Variants in FHOD3 observed in about 807,000 individuals in gnomAD.
FHOD3 encodes FH1/FH2 domain-containing protein 3.
FHOD3 carries 90 observed loss-of-function variants against 173.0 expected under a neutral mutation model. That is an observed-to-expected ratio of 0.52 (90% CI 0.44 to 0.62). The LOEUF (loss-of-function observed/expected upper bound fraction) is 0.62. Among genes scored for constraint, FHOD3 ranks in the 20% least tolerant of loss-of-function variants. The pLI is 0.00. For synonymous variants in FHOD3, 828 were observed against 823.0 expected (o/e 1.01, Z -0.10); for missense variants, 1,945 against 2,034.7 (o/e 0.96, Z 0.85).
chr18:36,301,842 G>A (rs1312703228), intron 1 of FHOD3, among the ~76,000 whole-genome samples: 1 of 152,216 alleles, frequency 6.6e-6, no homozygotes, highest in African/African-American at 2.4e-5. Flanking sequence ...CTTTTTTAGT[G>A]TACATGTTAA....
chr18:36,345,316 G>C (rs1393310774), intron 1 of FHOD3, among the ~76,000 whole-genome samples: 1 of 151,942 alleles, frequency 6.6e-6, no homozygotes, highest in African/African-American at 2.4e-5. Flanking sequence ...ATAATTTTTG[G>C]ATCAAAGAAG....
chr18:36,361,061 C>G lies in FHOD3; in HGVS notation c.272+5416C>G, dbSNP rs140916923. Among the ~76,000 whole-genome samples, 595 of 152,202 alleles carry G rather than the reference C, an allele frequency of 3.9e-3. 5 individuals are homozygous for G. The highest frequency in any genetic ancestry group is 7.2e-3 in the Non-Finnish European group (493 of 68,014). ...AGAAGGGAAGAAAGGTAGACGTTCC[C>G]TGATTTTTTTTTTCCTCTTAAGGTA... On this transcript the variant is annotated intron_variant, in intron 2 of 28. Transcript: ENST00000590592.
intron 7 of FHOD3, among the ~76,000 whole-genome samples, chr18:36,595,222 TG>T (rs569800831): frequency 3.3e-5 from 5 of 152,270 alleles, no homozygotes; most frequent in African/African-American, 1.2e-4. Context: ...AGGGTTTCCC[TG>T]GCTCCTTCCT....
At chr18:36,672,947 G>A (rs1477403917) in intron 14 of FHOD3, among the ~76,000 whole-genome samples, 1 of 151,984 alleles carries the variant, frequency 6.6e-6, no homozygotes, top group African/African-American at 2.4e-5. Context: ...TAGTGCAACT[G>A]AAAAATCTAG....
At chr18:36,420,209 C>T (rs747262133) in intron 3 of FHOD3, among the ~76,000 whole-genome samples, 42 of 152,162 alleles carry the variant, frequency 2.8e-4, no homozygotes, top group Non-Finnish European at 1.9e-4. Flanking sequence ...AGGCACATGT[C>T]ACTGTTGAAT....
intron 3 of FHOD3, among the ~76,000 whole-genome samples, chr18:36,424,736 T>C (rs1277321926): frequency 6.6e-6 from 1 of 152,248 alleles, no homozygotes; most frequent in Non-Finnish European, 1.5e-5. Flanking sequence ...TCCAAAAATA[T>C]TAAACGGACA....
chr18:36,656,535 C>T (rs372359537), intron 13 of FHOD3, among the ~76,000 whole-genome samples: 44 of 152,122 alleles, frequency 2.9e-4, no homozygotes, highest in Non-Finnish European at 4.3e-4. Context: ...AGGATAGATG[C>T]GGGTCGTATC....
chr18:36,463,436 A>AG (rs2052696897), intron 3 of FHOD3, among the ~76,000 whole-genome samples: 1 of 147,580 alleles, frequency 6.8e-6, no homozygotes, highest in South Asian at 2.1e-4. Flanking sequence ...TTTTATTTAA[A>AG]AAATATATTT....
rs1044844226 is a variant in FHOD3, at chr18:36,625,083, C to T, written c.958-428C>T. On this transcript the variant is annotated intron_variant, in intron 9 of 28. Transcript: ENST00000590592. ...CTTCTGAGCACCCTCTTTGGGAAAG[C>T]GAGCTCAAGACTGATAGGGAACCGG... 4.6e-5 allele frequency among the ~76,000 whole-genome samples: 7 copies of T among 152,094 alleles called. No homozygotes were observed. In the East Asian group the frequency reaches 7.7e-4, roughly 17 times the overall value.
In FHOD3 at chr18:36,297,827, G is replaced by T; in HGVS notation, c.-9G>T. The T allele has an allele frequency of 6.6e-7, 1 of 1,511,792 alleles. No individual in the cohort carries two copies. Among genetic ancestry groups the T allele is most frequent in the Non-Finnish European group, 8.9e-7 (1 of 1,129,270 alleles). The allele number at this position is 1,511,792 out of a possible 1,614,324, so 93.6% of individuals were successfully genotyped here. A position where few individuals can be genotyped will look rare whatever the true frequency, so the allele number is the denominator to read the frequency against. Reference sequence around the variant, plus strand: ...CCCGGGGCCCGCGCCCCCGCGGCAGGGATGCATCATGGCCACGCTGGCTTG... The same window carrying T: ...CCCGGGGCCCGCGCCCCCGCGGCAGTGATGCATCATGGCCACGCTGGCTTG... On this transcript the variant is annotated 5_prime_UTR_variant, in exon 1 of 29. Coordinates refer to ENST00000590592, the MANE Select transcript of FHOD3 (RefSeq NM_001281740.3).
intron 8 of FHOD3, among the ~76,000 whole-genome samples, chr18:36,608,108 G>C (rs1324998386): frequency 6.6e-6 from 1 of 152,042 alleles, no homozygotes; most frequent in East Asian, 1.9e-4. Flanking sequence ...CTGCTTTCAC[G>C]TTTTCAGTTA....
chr18:36,560,739 A>C (rs2058052705), intron 5 of FHOD3, among the ~76,000 whole-genome samples: 1 of 152,006 alleles, frequency 6.6e-6, no homozygotes, highest in Non-Finnish European at 1.5e-5. Flanking sequence ...GGGTTGAAAG[A>C]CTGGAGAGAG....
intron 10 of FHOD3, among the ~76,000 whole-genome samples, chr18:36,637,096 C>G (rs191295280): frequency 6.6e-6 from 1 of 152,076 alleles, no homozygotes; most frequent in African/African-American, 2.4e-5. Flanking sequence ...AGCAAGCCAC[C>G]AGATCTCTAG....
chr18:36,431,877 G>A (rs1043889207), intron 3 of FHOD3, among the ~76,000 whole-genome samples: 1 of 152,146 alleles, frequency 6.6e-6, no homozygotes, highest in African/African-American at 2.4e-5. Context: ...GTTGTTCCTT[G>A]AAAAATATAC....
intron 1 of FHOD3, among the ~76,000 whole-genome samples, chr18:36,326,825 A>G (rs2044692493): frequency 6.6e-6 from 1 of 152,178 alleles, no homozygotes; most frequent in Non-Finnish European, 1.5e-5. Flanking sequence ...ATACTGAATT[A>G]CTTGGTTTGT....
chr18:36,570,272 C>A (rs952404809), intron 5 of FHOD3, among the ~76,000 whole-genome samples: 4 of 152,052 alleles, frequency 2.6e-5, no homozygotes, highest in Non-Finnish European at 4.4e-5. Context: ...AAAATTGATA[C>A]ATTAGATGAA....
At chr18:36,419,154 G>A (rs929023974) in intron 3 of FHOD3, among the ~76,000 whole-genome samples, 3 of 151,838 alleles carry the variant, frequency 2.0e-5, no homozygotes, top group Admixed American at 1.3e-4. Context: ...AAAATGTTGT[G>A]AAATAACATT....
intron 3 of FHOD3, among the ~76,000 whole-genome samples, chr18:36,458,548 G>A (rs577664035): frequency 1.5e-4 from 23 of 152,144 alleles, no homozygotes; most frequent in Admixed American, 3.3e-4. Context: ...TGCCTCAGCT[G>A]GGGCCTCTTC....
intron 3 of FHOD3, among the ~76,000 whole-genome samples, chr18:36,484,166 T>C (rs111410123): frequency 0.013 from 1,955 of 152,360 alleles, 45 homozygotes; most frequent in African/African-American, 0.043. Flanking sequence ...GTCCCAGCTG[T>C]GGATAATTCT....
Sources: allele counts gnomAD v4.1 joint callset (sites outside exome capture counted in the v4.1 genomes callset), GRCh38; gene constraint gnomAD v4.1.1; transcripts MANE v1.5; gene names NCBI Gene and HGNC (gene_info 2026-07-23, HGNC 2026-07-21).